ZNF142: variants seen among roughly 807,000 people sequenced by gnomAD.
The protein encoded by ZNF142 is zinc finger protein 142.
ZNF142 carries 96 observed loss-of-function variants against 132.1 expected under a neutral mutation model. That is an observed-to-expected ratio of 0.73 (90% CI 0.62 to 0.86). The LOEUF (loss-of-function observed/expected upper bound fraction) is 0.86, where lower values mean the gene tolerates loss of function less well. Among genes scored for constraint, ZNF142 ranks in the 40% least tolerant of loss-of-function variants. The pLI, the probability that ZNF142 is intolerant of heterozygous loss-of-function variation, is 0.00. For missense variants in ZNF142, 2,163 were observed against 2,336.2 expected (o/e 0.93, Z 1.53); for synonymous variants, 842 against 890.1 (o/e 0.95, Z 0.96).
Position 218,636,616 on chromosome 2 carries a change from A to C in ZNF142, c.*1723T>G. The C allele has an allele frequency of 6.3e-7, 1 of 1,580,746 alleles. No homozygotes were observed. The highest frequency in any genetic ancestry group is 8.7e-7 in the Non-Finnish European group (1 of 1,152,762). ...CGGGAAGGGTTGGTGTGCTGGCTTT[A>C]GACGGGGAGAAACATCTGGAAGGAT... is the stretch of plus-strand genomic sequence containing the variant. On this transcript the variant is annotated 3_prime_UTR_variant, in exon 11 of 11. Transcript: ENST00000411696.
chr2:218,654,556 G>A (rs1173627367), intron 4 of ZNF142, among the ~76,000 whole-genome samples: 2 of 151,874 alleles, frequency 1.3e-5, no homozygotes, highest in Non-Finnish European at 2.9e-5. Context: ...AGCAGAGGTG[G>A]GGTTTCACCA....
Position 218,652,113 on chromosome 2 carries a change from G to A in ZNF142, c.468C>T (p.Gly156=), listed in dbSNP as rs1208251550. 1 of 448,654 alleles carries A rather than the reference G, an allele frequency of 2.2e-6. No homozygotes were observed. Among genetic ancestry groups the A allele is most frequent in the Admixed American group, 2.4e-5 (1 of 41,918 alleles). 27.8% of individuals were successfully genotyped at this position (448,654 alleles called of 1,614,324 possible). The change falls in exon 5 of 11, where the codon GGC becomes GGT. Residue 156 remains glycine, a synonymous_variant. Transcript: ENST00000411696. ...ATAGGGGGCTAACTGGCGGGCTCTG[G>A]CCCTGCAGAGGGCCAGGGAGGGTTG... ...SNPTLPGPLQ[G]QSPPVSPLSC...
rs527383944 is a variant in ZNF142 at position 218,635,014 on chromosome 2, G to A, written c.*3325C>T. On this transcript the variant is annotated 3_prime_UTR_variant, in exon 11 of 11. Transcript: ENST00000411696. ...CAGCGCTTTGGAGGCCAAGGCAGGA[G>A]GACTGCTTGAGCCCAGGAGTTTGAG... 4.1e-4 allele frequency among the ~76,000 whole-genome samples: 63 copies of A among 152,264 alleles called. No individual in the cohort carries two copies. The highest frequency in any genetic ancestry group is 1.4e-3 in the African/African-American group (59 of 41,550).
intron 7 of ZNF142, 70 bp from the exon 8 acceptor site, chr2:218,646,418 T>G: frequency 1.9e-6 from 3 of 1,557,680 alleles, no homozygotes; most frequent in African/African-American, 1.3e-5. Context: ...AGACCATTTC[T>G]TCCAGCAAGC....
rs780339522 is a variant in ZNF142 at position 218,638,763 on chromosome 2, C to G, written c.5240G>C (p.Arg1747Pro). Residue 1747 changes from arginine (R) to proline (P), a missense_variant, in exon 11 of 11, where the codon CGG (arginine) becomes CCG (proline). Transcript: ENST00000411696. ...QCPECEYCTN[R>P]ADALRVHQET... ...CTGGTGCACACGCAGTGCATCAGCC[C>G]GGTTGGTGCAGTACTCACACTCGGG... The G allele has an allele frequency of 6.2e-7, 1 of 1,609,452 alleles. No individual in the cohort carries two copies. Among genetic ancestry groups the G allele is most frequent in the Non-Finnish European group, 8.5e-7 (1 of 1,179,870 alleles).
chr2:218,641,028 G>A (rs923093619), intron 9 of ZNF142, among the ~76,000 whole-genome samples: 2 of 150,664 alleles, frequency 1.3e-5, no homozygotes, highest in East Asian at 2.0e-4. Context: ...TTAACCTCCT[G>A]GGCTAAAGCG....
intron 4 of ZNF142, among the ~76,000 whole-genome samples, chr2:218,655,895 C>T (rs1938436893): frequency 6.6e-6 from 1 of 152,152 alleles, no homozygotes; most frequent in Non-Finnish European, 1.5e-5. Context: ...TCAGAAAGGT[C>T]TTACTTTCTG....
Position 218,642,881 on chromosome 2 carries a change from C to T in ZNF142, c.4235G>A (p.Arg1412Gln), listed in dbSNP as rs374587127. 1.7e-5 allele frequency: 27 copies of T among 1,613,982 alleles called. No homozygotes were observed. The highest frequency in any genetic ancestry group is 1.2e-4 in the Admixed American group (7 of 60,012). The part of the protein sequence containing the change: ...CPFCDFSTTR[R>Q]YRLEAHQSRH... ...GGACTGGTGAGCCTCTAACCGGTAC[C>T]GTCTGGTGGTCGAAAAGTCACAGAA... Residue 1412 changes from arginine (R) to glutamine (Q), a missense_variant, in exon 9 of 11, where the codon CGG becomes CAG. By Grantham distance (43) the Arg-to-Gln change is conservative. Around this residue, in one of 7 missense-constraint regions of ZNF142, gnomAD observed 809 missense variants for 801.7 expected, o/e 1.01. Transcript: ENST00000411696. This position sits in a 1 kb window ranked among gnomAD's most constrained non-coding sequence, Gnocchi z 4.6.
Position 218,649,462 on chromosome 2 carries a change from G to A in ZNF142, c.1049-3C>T. 1 of 1,577,530 alleles carries A rather than the reference G, an allele frequency of 6.3e-7. No homozygotes were observed. The highest frequency in any genetic ancestry group is 8.6e-7 in the Non-Finnish European group (1 of 1,160,686). ...CTCGGTGCCAGAGACCACATCCCCT[G>A]GGAAAGGGAATACAGAGAGTTGAGA... On this transcript the variant is annotated splice_polypyrimidine_tract_variant and splice_region_variant and intron_variant, in intron 6 of 10. Coordinates refer to ENST00000411696, the MANE Select transcript of ZNF142 (RefSeq NM_001379659.1).
chr2:218,640,182 G>A (rs1480449819), intron 10 of ZNF142, among the ~76,000 whole-genome samples: 1 of 151,546 alleles, frequency 6.6e-6, no homozygotes, highest in Non-Finnish European at 1.5e-5. Context: ...CCTCCACATA[G>A]GGGGATCAGA....
At position 218,649,275 on chromosome 2, in the gene ZNF142, C is replaced by T; in HGVS notation, c.1233G>A (p.Leu411=). ...GGTGGGCCTTTTCACCCAGCTCCCG[C>T]AGCAGATGGGTCTTGAGCTTGCTCT... is the stretch of plus-strand genomic sequence containing the variant. The part of the protein sequence containing the change: ...TSKSKLKTHL[L]RELGEKAHHC... Residue 411 remains leucine (L), a synonymous_variant, in exon 7 of 11, where the codon CTG becomes CTA. Coordinates refer to ENST00000411696, the MANE Select transcript of ZNF142 (RefSeq NM_001379659.1). The T allele has an allele frequency of 6.2e-7, 1 of 1,614,272 alleles. No homozygotes were observed. The highest frequency in any genetic ancestry group is 8.5e-7 in the Non-Finnish European group (1 of 1,180,048).
Position 218,650,394 on chromosome 2 carries a change from G to A in ZNF142, c.1013C>T (p.Ala338Val). ...CTGAGCCCCTTGGCCTTTATCCACAGCCTTTTGGGAGTCCTTCTGGGTGTC... is the reference window on the plus strand; with the variant it reads ...CTGAGCCCCTTGGCCTTTATCCACAACCTTTTGGGAGTCCTTCTGGGTGTC... ...KSDTQKDSQK[A>V]VDKGQGAQRL... The change falls in exon 6 of 11, where the codon GCT (alanine) becomes GTT (valine). Residue 338 changes from alanine to valine, a missense_variant. By Grantham distance (64) the Ala-to-Val change is moderately conservative. Around this residue, in one of 7 missense-constraint regions of ZNF142, gnomAD observed 749 missense variants for 830.3 expected, o/e 0.90. Coordinates refer to ENST00000411696, the MANE Select transcript of ZNF142 (RefSeq NM_001379659.1). 1 of 1,614,150 alleles carries A rather than the reference G, an allele frequency of 6.2e-7. No homozygotes were observed. Among genetic ancestry groups the A allele is most frequent in the Non-Finnish European group, 8.5e-7 (1 of 1,180,024 alleles).
At position 218,643,841 on chromosome 2, in the gene ZNF142, A is replaced by C; in HGVS notation, c.3275T>G (p.Leu1092Arg). The C allele has an allele frequency of 6.2e-7, 1 of 1,613,892 alleles. No homozygotes were observed. The highest frequency in any genetic ancestry group is 8.5e-7 in the Non-Finnish European group (1 of 1,179,890). The change falls in exon 9 of 11, where the codon CTA (leucine) becomes CGA (arginine). Residue 1092 changes from leucine to arginine, a missense_variant. This residue lies in a region of ZNF142 where 809 missense variants were observed against 801.7 expected (regional missense o/e 1.01). Coordinates refer to ENST00000411696, the MANE Select transcript of ZNF142 (RefSeq NM_001379659.1). ...GGGCAAGCCCTTGTTCTTTCTGAGT[A>C]GAACAGGGCACTTCTTCAGCAGGTG... The part of the protein sequence containing the change: ...STHLLKKCPV[L>R]LRKNKGLPRP...
At chr2:218,641,562 T>C (rs915007604) in intron 9 of ZNF142, among the ~76,000 whole-genome samples, 4 of 151,852 alleles carry the variant, frequency 2.6e-5, no homozygotes, top group African/African-American at 4.8e-5. Flanking sequence ...TTTTTTTAAA[T>C]GGAGTCTTGC....
chr2:218,650,257 C>G (rs75015805), intron 6 of ZNF142, 102 bp downstream of exon 6: 2 of 1,443,654 alleles, frequency 1.4e-6, no homozygotes, highest in Non-Finnish European at 1.9e-6. Context: ...TAAAAGGATC[C>G]GAACCAAAGC....
intron 4 of ZNF142, among the ~76,000 whole-genome samples, chr2:218,653,420 A>T (rs1364295793): frequency 6.6e-6 from 1 of 152,048 alleles, no homozygotes; most frequent in African/African-American, 2.4e-5. Context: ...TCTACTAAAA[A>T]TACAAAATTA....
Position 218,659,122 on chromosome 2 carries a change from C to G in ZNF142, c.-353G>C, listed in dbSNP as rs1938986358. On this transcript the variant is annotated 5_prime_UTR_variant, in exon 2 of 11. Transcript: ENST00000411696. This position sits in a 1 kb window ranked among gnomAD's most constrained non-coding sequence, Gnocchi z 4.4. Reference sequence around the variant, plus strand: ...AGCGAACTGGAAAGGCGGTTTGTAACCTGGAAGGCTTGGGATGGAGCATCG... The same window carrying G: ...AGCGAACTGGAAAGGCGGTTTGTAAGCTGGAAGGCTTGGGATGGAGCATCG... The G allele has an allele frequency of 6.6e-6, 1 of 152,344 alleles. No homozygotes were observed. The highest frequency in any genetic ancestry group is 1.5e-5 in the Non-Finnish European group (1 of 68,136). 9.4% of individuals were successfully genotyped at this position (152,344 alleles called of 1,614,324 possible). A position where few individuals can be genotyped will look rare whatever the true frequency, so the allele number is the denominator to read the frequency against.
At position 218,644,389 on chromosome 2, in the gene ZNF142, CTCAG is replaced by C; in HGVS notation, c.2723_2726del (p.Thr908SerfsTer42). The C allele has an allele frequency of 6.2e-7, 1 of 1,614,106 alleles. No individual in the cohort carries two copies. Among genetic ancestry groups the C allele is most frequent in the Non-Finnish European group, 8.5e-7 (1 of 1,179,996 alleles). On this transcript the variant is annotated frameshift_variant, in exon 9 of 11. Transcript: ENST00000411696. LOFTEE classifies it high-confidence loss of function. The surrounding 1 kb of genome is among the most constrained non-coding windows in gnomAD (Gnocchi z 4.6). ...TTTCAGTGACCTCCTCAAGGGGTGG[CTCAG>C]TCACAGACTCCAGCTCTACTCCCAG...
At chr2:218,652,805 G>C (rs1938132988) in intron 4 of ZNF142, among the ~76,000 whole-genome samples, 1 of 152,098 alleles carries the variant, frequency 6.6e-6, no homozygotes, top group Non-Finnish European at 1.5e-5. Flanking sequence ...CTTTGATAAA[G>C]AAAGGCTTAA....
Sources: gnomAD v4.1 joint callset for allele counts (sites outside exome capture counted in the v4.1 genomes callset) on GRCh38, gnomAD v4.1.1 for gene constraint, gnomAD v4.1.1 regional missense constraint, Gnocchi (gnomAD v3.1) non-coding constraint, MANE v1.5 for transcripts, NCBI Gene and HGNC (gene_info 2026-07-23, HGNC 2026-07-21) for gene names.